Variants in METTL15 observed in about 807,000 individuals in gnomAD.
METTL15 encodes the protein methyltransferase 15, mitochondrial 12S rRNA N4-cytidine, also known as 12S rRNA N(4)-cytidine methyltransferase METTL15.
In METTL15, 34 loss-of-function variants were observed where a neutral mutation model predicts 38.3. The observed-to-expected ratio is 0.89, with a 90% confidence interval of 0.68 to 1.18. The LOEUF is 1.18. Ranked by LOEUF, METTL15 falls within the 50% of genes most tolerant of loss-of-function variation. METTL15 has a pLI of 0.00. For missense variants in METTL15, 438 were observed against 498.4 expected, an observed-to-expected ratio of 0.88 and a Z score of 1.15; for synonymous variants, 162 against 170.9, an observed-to-expected ratio of 0.95 and a Z score of 0.41.
intron 4 of METTL15, among the ~76,000 whole-genome samples, chr11:28,263,346 G>C (rs1352803396): frequency 6.6e-6 from 1 of 152,012 alleles, no homozygotes; most frequent in Non-Finnish European, 1.5e-5. Context: ...TTACCTTTTG[G>C]TGTTATAGGC....
chr11:28,515,040 A>G (rs1851707951), intron 6 of METTL15, among the ~76,000 whole-genome samples: 1 of 152,250 alleles, frequency 6.6e-6, no homozygotes, highest in African/African-American at 2.4e-5. Flanking sequence ...TGGCTACTAC[A>G]GTTTTAAAAC....
intron 3 of METTL15, among the ~76,000 whole-genome samples, chr11:28,197,280 G>T (rs2133813594): frequency 6.6e-6 from 1 of 151,670 alleles, no homozygotes; most frequent in East Asian, 1.9e-4. Context: ...TTCTATTACT[G>T]TTTATTCAAA....
chr11:28,395,488 T>C (rs1850558457), intron 5 of METTL15, among the ~76,000 whole-genome samples: 1 of 152,028 alleles, frequency 6.6e-6, no homozygotes, highest in Admixed American at 6.6e-5. Flanking sequence ...TCTACACAAA[T>C]AAACTAGAAA....
intron 6 of METTL15, among the ~76,000 whole-genome samples, chr11:28,468,364 A>G (rs1026003239): frequency 6.6e-6 from 1 of 152,188 alleles, no homozygotes; most frequent in Non-Finnish European, 1.5e-5. Context: ...AAATGAAGAG[A>G]TGGTAGTGCG....
intron 3 of METTL15, among the ~76,000 whole-genome samples, chr11:28,148,961 G>A (rs1422205500): frequency 6.6e-6 from 1 of 151,912 alleles, no homozygotes. Flanking sequence ...TAATAATACT[G>A]CGTTAAAAGG....
At chr11:28,484,778 CA>C (rs961854861) in intron 6 of METTL15, among the ~76,000 whole-genome samples, 1 of 152,074 alleles carries the variant, frequency 6.6e-6, no homozygotes, top group Admixed American at 6.6e-5. Flanking sequence ...CTGTGGGAGA[CA>C]CAGAAGGTGA....
chr11:28,305,247 A>G (rs1857042988), intron 6 of METTL15, among the ~76,000 whole-genome samples: 1 of 152,172 alleles, frequency 6.6e-6, no homozygotes, highest in African/African-American at 2.4e-5. Context: ...CTTTTCCTAA[A>G]AAAGTCTAGC....
intron 6 of METTL15, among the ~76,000 whole-genome samples, chr11:28,321,105 A>T (rs1173173849): frequency 6.6e-6 from 1 of 152,138 alleles, no homozygotes; most frequent in African/African-American, 2.4e-5. Context: ...CTTTAAATTA[A>T]CATATCAAAT....
At position 28,427,468 on chromosome 11, in the gene METTL15, A is replaced by T. The variant is rs1324542059; in HGVS notation, c.*424+3104A>T. ...AAAATAGTTTTTTCCAATTCTGTGA[A>T]TAATGTCAACGGTAGTTTAATGGGA... is the stretch of plus-strand genomic sequence containing the variant. On this transcript the variant is annotated intron_variant and NMD_transcript_variant, in intron 6 of 7. Transcript: ENST00000532947. Among the ~76,000 whole-genome samples, 4 of 152,282 alleles carry T rather than the reference A, an allele frequency of 2.6e-5. No individual in the cohort carries two copies. The East Asian group carries it at 7.7e-4, about 29-fold the overall frequency.
chr11:28,224,888 C>G (rs1853409619), intron 4 of METTL15, among the ~76,000 whole-genome samples: 2 of 151,262 alleles, frequency 1.3e-5, no homozygotes, highest in East Asian at 3.9e-4. Flanking sequence ...TTTCTTATGT[C>G]CATTATATAT....
Position 28,437,516 on chromosome 11 carries a change from C to T in METTL15, c.*424+13152C>T, listed in dbSNP as rs763276657. Among the ~76,000 whole-genome samples the T allele has an allele frequency of 4.6e-5, 7 of 152,310 alleles. No individual in the cohort carries two copies. In the South Asian group the frequency reaches 1.2e-3, roughly 27 times the overall value. On this transcript the variant is annotated intron_variant and NMD_transcript_variant, in intron 6 of 7. Coordinates refer to the METTL15 transcript ENST00000532947. ...CCTCAGTTTTTAAACACACCCTATACAGCACTCGTCTTGTTACACTTTCTC... is the reference window on the plus strand; with the variant it reads ...CCTCAGTTTTTAAACACACCCTATATAGCACTCGTCTTGTTACACTTTCTC...
chr11:28,122,614 A>G (rs1019431183), intron 3 of METTL15, among the ~76,000 whole-genome samples: 1 of 151,602 alleles, frequency 6.6e-6, no homozygotes, highest in Admixed American at 6.6e-5. Context: ...AAGTAACTAT[A>G]TAATTAGGTT....
chr11:28,217,123 T>C (rs1409509426), intron 4 of METTL15, among the ~76,000 whole-genome samples: 1 of 152,194 alleles, frequency 6.6e-6, no homozygotes, highest in Non-Finnish European at 1.5e-5. Context: ...TCTAGATCCC[T>C]GAGGAATCGC....
At chr11:28,205,502 A>G (rs1405021693) in intron 3 of METTL15, among the ~76,000 whole-genome samples, 1 of 152,030 alleles carries the variant, frequency 6.6e-6, no homozygotes, top group African/African-American at 2.4e-5. Flanking sequence ...AATCCAGTCT[A>G]TCATTGATGG....
intron 3 of METTL15, among the ~76,000 whole-genome samples, chr11:28,124,189 C>A (rs892119023): frequency 2.0e-5 from 3 of 152,044 alleles, no homozygotes; most frequent in African/African-American, 7.2e-5. Flanking sequence ...ATACAGTATG[C>A]TTTTTCCCCT....
chr11:28,222,971 G>T (rs186563416), intron 4 of METTL15, among the ~76,000 whole-genome samples: 3 of 152,152 alleles, frequency 2.0e-5, no homozygotes, highest in Non-Finnish European at 4.4e-5. Flanking sequence ...GCAATAATGA[G>T]GGCAATCAAA....
intron 5 of METTL15, among the ~76,000 whole-genome samples, chr11:28,377,243 C>A (rs1850325729): frequency 6.7e-6 from 1 of 150,114 alleles, no homozygotes; most frequent in African/African-American, 2.4e-5. Context: ...TGGATAATAT[C>A]CTGCAGAGTG....
chr11:28,161,726 C>T (rs576830502), intron 3 of METTL15, among the ~76,000 whole-genome samples: 1 of 149,200 alleles, frequency 6.7e-6, no homozygotes, highest in Non-Finnish European at 1.5e-5. Flanking sequence ...TGAAACTTTA[C>T]ATCTTGAAAA....
chr11:28,341,668 T>C (rs559785053), intron 3 of METTL15, among the ~76,000 whole-genome samples: 20 of 152,310 alleles, frequency 1.3e-4, no homozygotes, highest in Admixed American at 3.9e-4. Context: ...ATGCACAAAG[T>C]AGTATCTTTT....
Sources: gnomAD v4.1 joint callset for allele counts (sites outside exome capture counted in the v4.1 genomes callset) on GRCh38, gnomAD v4.1.1 for gene constraint, MANE v1.5 for transcripts, NCBI Gene and HGNC (gene_info 2026-07-23, HGNC 2026-07-21) for gene names.